Variants in GRM7 observed in about 807,000 individuals in gnomAD.
GRM7 encodes glutamate metabotropic receptor 7.
Under a neutral mutation model 84.5 loss-of-function variants are expected in GRM7, and 35 were observed. That is an observed-to-expected ratio of 0.41 (90% CI 0.32 to 0.55). The LOEUF is 0.55. GRM7 is among the 20% of genes least tolerant of loss of function. GRM7 has a pLI of 0.19. For synonymous variants in GRM7, 487 were observed against 455.1 expected, an observed-to-expected ratio of 1.07 and a Z score of -0.89; for missense variants, 1,003 against 1,194.6, an observed-to-expected ratio of 0.84 and a Z score of 2.36.
chr3:7,269,451 C>G (rs912891396), intron 2 of GRM7, among the ~76,000 whole-genome samples: 11 of 152,126 alleles, frequency 7.2e-5, no homozygotes, highest in African/African-American at 2.2e-4. Context: ...TGAACCCCCC[C>G]CCCAGAGAGC....
chr3:7,670,658 G>T (rs1243875073), intron 8 of GRM7, among the ~76,000 whole-genome samples: 1 of 232 alleles, frequency 4.3e-3, no homozygotes, highest in Non-Finnish European at 9.4e-3. Flanking sequence ...AATTTGGCAA[G>T]ATTGACAGCA....
At chr3:7,471,022 C>A (rs1322785439) in intron 7 of GRM7, among the ~76,000 whole-genome samples, 2 of 151,394 alleles carry the variant, frequency 1.3e-5, no homozygotes, top group East Asian at 2.0e-4. Context: ...TTGAGGAAAT[C>A]ATTTAACATT....
intron 7 of GRM7, among the ~76,000 whole-genome samples, chr3:7,543,970 T>C (rs1693019735): frequency 6.6e-6 from 1 of 152,116 alleles, no homozygotes; most frequent in Non-Finnish European, 1.5e-5. Context: ...TAAAAGGCAG[T>C]TGTATAAGTT....
intron 2 of GRM7, among the ~76,000 whole-genome samples, chr3:7,195,734 C>T (rs953007890): frequency 3.3e-5 from 5 of 152,026 alleles, no homozygotes; most frequent in Admixed American, 1.3e-4. Flanking sequence ...TTTGGGGAGG[C>T]TGTGAATCCG....
intron 4 of GRM7, among the ~76,000 whole-genome samples, chr3:7,393,141 C>A (rs1056871703): frequency 2.6e-5 from 4 of 152,140 alleles, no homozygotes; most frequent in African/African-American, 9.7e-5. Flanking sequence ...AGAAATGTAG[C>A]AAGTACCCTC....
intron 5 of GRM7, among the ~76,000 whole-genome samples, chr3:7,428,662 C>T (rs1378664924): frequency 6.6e-6 from 1 of 152,060 alleles, no homozygotes; most frequent in African/African-American, 2.4e-5. Context: ...CATAAGGTGT[C>T]CAATAACTAC....
At chr3:7,107,875 G>A (rs17824872) in intron 1 of GRM7, among the ~76,000 whole-genome samples, 25,042 of 151,938 alleles carry the variant, frequency 0.16, 2,204 homozygotes, top group South Asian at 0.2. Context: ...TTAAGAGGTA[G>A]GACATTGCCA....
intron 8 of GRM7, among the ~76,000 whole-genome samples, chr3:7,675,709 A>G (rs992341184): frequency 3.9e-5 from 6 of 152,220 alleles, no homozygotes; most frequent in Non-Finnish European, 8.8e-5. Flanking sequence ...AAACACTATT[A>G]CTTAATCAAC....
chr3:7,112,412 G>T (rs1466903837), intron 1 of GRM7, among the ~76,000 whole-genome samples: 4 of 151,974 alleles, frequency 2.6e-5, no homozygotes, highest in South Asian at 2.1e-4. Flanking sequence ...TTTTAGTAGA[G>T]ATGGGGTTTC....
chr3:7,734,757 T>TC (rs1230407928), intron 9 of GRM7, among the ~76,000 whole-genome samples: 3 of 152,226 alleles, frequency 2.0e-5, no homozygotes, highest in African/African-American at 4.8e-5. Context: ...TGGGAATGTC[T>TC]CCATTTTTTT....
chr3:7,162,729 ATTTTTTTTTTTTTTTTTTTTTTT>A (rs71063284), intron 2 of GRM7, among the ~76,000 whole-genome samples: 912 of 54,670 alleles, frequency 0.017, 23 homozygotes, highest in Middle Eastern at 0.033. Flanking sequence ...CCCATTTTTC[ATTTTTTTTTTTTTTTTTTTTTTT>A]TTTTTTTTTT....
chr3:7,476,019 A>C (rs1294587392), intron 7 of GRM7, among the ~76,000 whole-genome samples: 1 of 152,214 alleles, frequency 6.6e-6, no homozygotes, highest in Non-Finnish European at 1.5e-5. Flanking sequence ...GAGAGGAATT[A>C]GTAGATCAGT....
At chr3:7,470,789 T>A (rs143798915) in intron 7 of GRM7, among the ~76,000 whole-genome samples, 31 of 152,188 alleles carry the variant, frequency 2.0e-4, no homozygotes, top group African/African-American at 7.2e-4. Flanking sequence ...CTCAACTCAT[T>A]ATCATCAAAC....
At chr3:7,077,680 C>T (rs1011638251) in intron 1 of GRM7, among the ~76,000 whole-genome samples, 2 of 151,756 alleles carry the variant, frequency 1.3e-5, no homozygotes, top group Non-Finnish European at 2.9e-5. Flanking sequence ...ATGTAACAAA[C>T]CTGCACGTTC....
chr3:7,146,847 G>A (rs1694126282), intron 2 of GRM7, among the ~76,000 whole-genome samples, 179 bp downstream of exon 2: 1 of 152,034 alleles, frequency 6.6e-6, no homozygotes, highest in South Asian at 2.1e-4. Flanking sequence ...TTTTGAAGTT[G>A]TGAAACTGAG....
intron 1 of GRM7, among the ~76,000 whole-genome samples, chr3:7,015,342 G>A (rs1217267604): frequency 6.6e-6 from 1 of 152,218 alleles, no homozygotes; most frequent in South Asian, 2.1e-4. Flanking sequence ...TGTGGATGCA[G>A]TGGGATATCG....
At chr3:7,622,899 T>C (rs1313185304) in intron 8 of GRM7, among the ~76,000 whole-genome samples, 1 of 152,098 alleles carries the variant, frequency 6.6e-6, no homozygotes, top group Non-Finnish European at 1.5e-5. Context: ...CCCTGCTGCC[T>C]ATAAGTCAAA....
At chr3:6,961,040 A>G (rs369189685) in intron 1 of GRM7, among the ~76,000 whole-genome samples, 35 of 152,138 alleles carry the variant, frequency 2.3e-4, no homozygotes, top group African/African-American at 7.2e-4. Context: ...GGTGATTTCA[A>G]AATTTACACT....
At chr3:7,485,272 T>C (rs754221648) in intron 7 of GRM7, among the ~76,000 whole-genome samples, 23 of 152,228 alleles carry the variant, frequency 1.5e-4, no homozygotes, top group Admixed American at 4.6e-4. Context: ...AGTCAATAAC[T>C]AATATGCCTT....
Sources: allele counts gnomAD v4.1 joint callset (sites outside exome capture counted in the v4.1 genomes callset), GRCh38; gene constraint gnomAD v4.1.1; transcripts MANE v1.5; gene names NCBI Gene and HGNC (gene_info 2026-07-23, HGNC 2026-07-21).